PDE1C: variants seen among roughly 807,000 people sequenced by gnomAD.
The protein encoded by PDE1C is phosphodiesterase 1C.
A neutral mutation model predicts 93.1 loss-of-function variants in PDE1C; 62 were observed. The ratio of observed to expected loss-of-function variants is 0.67; its 90% CI spans 0.54 to 0.82. The LOEUF (loss-of-function observed/expected upper bound fraction) is 0.82. Among genes scored for constraint, PDE1C ranks in the 40% least tolerant of loss-of-function variants. The probability of loss-of-function intolerance (pLI) is 0.00; values close to 1 mark genes in which losing one functional copy is unlikely to be tolerated. For missense variants in PDE1C, 742 were observed against 884.6 expected, an observed-to-expected ratio of 0.84 and a Z score of 2.04; for synonymous variants, 325 against 310.1, an observed-to-expected ratio of 1.05 and a Z score of -0.50.
chr7:32,136,635 G>A (rs1800227594), intron 3 of PDE1C, among the ~76,000 whole-genome samples: 1 of 152,130 alleles, frequency 6.6e-6, no homozygotes, highest in South Asian at 2.1e-4. Context: ...CTTTACCAAA[G>A]GACTATTTCT....
At chr7:31,650,319 T>C in the PDE1C span, among the ~76,000 whole-genome samples, 1 of 152,114 alleles carries the variant, frequency 6.6e-6, no homozygotes, top group Non-Finnish European at 1.5e-5. Flanking sequence ...ATGGGGAGGT[T>C]AAGGTCATCC....
intron 3 of PDE1C, among the ~76,000 whole-genome samples, chr7:32,154,981 G>A (rs902542375): frequency 1.3e-5 from 2 of 152,242 alleles, no homozygotes; most frequent in East Asian, 1.9e-4. Context: ...GGCCAAGGTG[G>A]CTGGCCAGCC....
chr7:32,186,847 G>C (rs1017793752), intron 2 of PDE1C, among the ~76,000 whole-genome samples: 1 of 152,022 alleles, frequency 6.6e-6, no homozygotes, highest in African/African-American at 2.4e-5. Flanking sequence ...AGCATAGCAC[G>C]CAAGATCTAT....
At chr7:31,894,074 G>C (rs1798971580) in intron 2 of PDE1C, among the ~76,000 whole-genome samples, 1 of 152,266 alleles carries the variant, frequency 6.6e-6, no homozygotes, top group South Asian at 2.1e-4. Flanking sequence ...TTGGGGACTG[G>C]AAAGAGGAAG....
intron 2 of PDE1C, among the ~76,000 whole-genome samples, chr7:32,018,085 T>TA (rs145673129): frequency 3.3e-4 from 47 of 142,688 alleles, no homozygotes; most frequent in Non-Finnish European, 5.4e-4. Context: ...AGACCCTGTC[T>TA]AAAAAAAAAA....
At chr7:32,235,925 G>A (rs970440818) in intron 1 of PDE1C, among the ~76,000 whole-genome samples, 1 of 152,092 alleles carries the variant, frequency 6.6e-6, no homozygotes, top group African/African-American at 2.4e-5. Context: ...AGACAGTATG[G>A]TATTAACAAA....
At chr7:32,348,042 T>C (rs747837994) in intron 1 of PDE1C, among the ~76,000 whole-genome samples, 6 of 152,186 alleles carry the variant, frequency 3.9e-5, no homozygotes, top group Admixed American at 6.5e-5. Flanking sequence ...TTACATCTGA[T>C]GAAGGTCACA....
the PDE1C span, among the ~76,000 whole-genome samples, chr7:31,635,845 A>G: frequency 6.6e-6 from 1 of 152,162 alleles, no homozygotes. Flanking sequence ...TACCTAGGTG[A>G]TTGGCCGATA....
At position 32,141,093 on chromosome 7, in the gene PDE1C, T is replaced by C. The variant is rs991871366; in HGVS notation, c.308+28692A>G. Among the ~76,000 whole-genome samples the C allele has an allele frequency of 2.6e-5, 4 of 152,214 alleles. No homozygotes were observed. In the South Asian group the frequency reaches 8.3e-4, roughly 32 times the overall value. ...CATTTAAGTGGGGAAGCAAAAAGAATAGGATGTTCCAAAATAAGTAGCTAT... is the reference window on the plus strand; with the variant it reads ...CATTTAAGTGGGGAAGCAAAAAGAACAGGATGTTCCAAAATAAGTAGCTAT... On this transcript the variant is annotated intron_variant, in intron 3 of 18. Coordinates refer to the PDE1C transcript ENST00000396193.
chr7:31,743,010 A>C, the PDE1C span, among the ~76,000 whole-genome samples: 10 of 151,940 alleles, frequency 6.6e-5, no homozygotes, highest in Admixed American at 6.6e-4. Flanking sequence ...CAAATCTACT[A>C]TCTCTCTATT....
chr7:32,029,660 G>A (rs1021488810), intron 2 of PDE1C, among the ~76,000 whole-genome samples: 2 of 152,078 alleles, frequency 1.3e-5, no homozygotes, highest in African/African-American at 4.8e-5. Context: ...TCAAGGCATC[G>A]AGTTTAAGAG....
At chr7:32,362,963 T>TG (rs1784161866) in intron 1 of PDE1C, among the ~76,000 whole-genome samples, 1 of 152,126 alleles carries the variant, frequency 6.6e-6, no homozygotes, top group Admixed American at 6.5e-5. Flanking sequence ...TGCTCACAGA[T>TG]GGGGGAGAAG....
intron 1 of PDE1C, among the ~76,000 whole-genome samples, chr7:32,349,053 G>A (rs215686): frequency 0.8 from 121,821 of 152,226 alleles, 49,102 homozygotes; most frequent in Admixed American, 0.85. Flanking sequence ...CAACCAATGG[G>A]CCATCCCTTC....
At chr7:31,644,505 T>C in the PDE1C span, among the ~76,000 whole-genome samples, 19 of 152,330 alleles carry the variant, frequency 1.2e-4, no homozygotes, top group African/African-American at 4.1e-4. Flanking sequence ...GTTACTCTTA[T>C]AATCAATTTT....
chr7:32,025,147 T>G (rs1387263015), intron 2 of PDE1C, among the ~76,000 whole-genome samples: 1 of 152,154 alleles, frequency 6.6e-6, no homozygotes, highest in African/African-American at 2.4e-5. Context: ...AAGCTTGGAA[T>G]CATCCTCATG....
intron 7 of PDE1C, among the ~76,000 whole-genome samples, chr7:31,860,887 C>T (rs1325661579): frequency 6.6e-6 from 1 of 152,034 alleles, no homozygotes; most frequent in Non-Finnish European, 1.5e-5. Context: ...GGGTGAATGA[C>T]TCGAAGTAGA....
intron 16 of PDE1C, among the ~76,000 whole-genome samples, chr7:31,778,621 C>T (rs1783178312): frequency 6.6e-6 from 1 of 152,168 alleles, no homozygotes; most frequent in Non-Finnish European, 1.5e-5. Context: ...TTTTAGGTTG[C>T]AGACAGGGCT....
chr7:32,336,481 A>AT (rs1222215367), intron 1 of PDE1C, among the ~76,000 whole-genome samples: 1 of 152,232 alleles, frequency 6.6e-6, no homozygotes, highest in Non-Finnish European at 1.5e-5. Flanking sequence ...GATTAGAAAC[A>AT]TAAGTCTCAT....
chr7:31,995,608 A>C (rs1316458785), intron 2 of PDE1C, among the ~76,000 whole-genome samples: 2 of 151,966 alleles, frequency 1.3e-5, no homozygotes, highest in African/African-American at 4.8e-5. Context: ...TTGCCTCTAG[A>C]TTTTGGCTTT....
Sources: gnomAD v4.1 joint callset for allele counts (sites outside exome capture counted in the v4.1 genomes callset) on GRCh38, gnomAD v4.1.1 for gene constraint, MANE v1.5 for transcripts, NCBI Gene and HGNC (gene_info 2026-07-23, HGNC 2026-07-21) for gene names.